Variants in SLC24A2 observed in about 807,000 individuals in gnomAD.
SLC24A2 encodes solute carrier family 24 member 2.
In SLC24A2, 36 loss-of-function variants were observed where a neutral mutation model predicts 62.0. That is an observed-to-expected ratio of 0.58 (90% CI 0.44 to 0.77). SLC24A2 has a LOEUF of 0.77. SLC24A2 is among the 30% of genes least tolerant of loss of function. The probability of loss-of-function intolerance (pLI) is 0.00; values close to 1 mark genes in which losing one functional copy is unlikely to be tolerated. For missense variants in SLC24A2, 846 were observed against 817.9 expected, an observed-to-expected ratio of 1.03 and a Z score of -0.42; for synonymous variants, 358 against 294.0, an observed-to-expected ratio of 1.22 and a Z score of -2.23.
At chr9:19,641,163 G>A (rs146363428) in intron 2 of SLC24A2, among the ~76,000 whole-genome samples, 94 of 152,316 alleles carry the variant, frequency 6.2e-4, no homozygotes, top group African/African-American at 2.2e-3. Flanking sequence ...GCATATCTAC[G>A]TGACATCTCA....
At chr9:19,886,174 A>T in the SLC24A2 span, among the ~76,000 whole-genome samples, 1 of 152,214 alleles carries the variant, frequency 6.6e-6, no homozygotes, top group Non-Finnish European at 1.5e-5. Flanking sequence ...AAGTCGCCAC[A>T]CTGCTTTTCA....
At chr9:19,974,546 T>C in the SLC24A2 span, among the ~76,000 whole-genome samples, 4 of 152,182 alleles carry the variant, frequency 2.6e-5, no homozygotes, top group African/African-American at 9.7e-5. Context: ...AGAACATTAA[T>C]TGATTTTTCC....
the SLC24A2 span, among the ~76,000 whole-genome samples, chr9:20,105,259 A>T: frequency 1.3e-5 from 2 of 152,222 alleles, no homozygotes; most frequent in Admixed American, 1.3e-4. Flanking sequence ...GGAGACTTTA[A>T]CACCCCATTG....
the SLC24A2 span, among the ~76,000 whole-genome samples, chr9:19,961,546 C>T: frequency 1.3e-5 from 2 of 152,202 alleles, no homozygotes. Context: ...CATGGCCCCA[C>T]ACTCCCTAAA....
chr9:19,925,859 T>A, the SLC24A2 span, among the ~76,000 whole-genome samples: 1 of 152,324 alleles, frequency 6.6e-6, no homozygotes, highest in Middle Eastern at 3.4e-3. Flanking sequence ...GACAGAGATT[T>A]TAATCGTGTG....
chr9:19,520,817 C>T, intron 10 of SLC24A2, 77 bp downstream of exon 10: 2 of 1,384,224 alleles, frequency 1.4e-6, no homozygotes, highest in Non-Finnish European at 2.1e-6. Context: ...AGATCCTGGT[C>T]ATGTCTTTCC....
chr9:19,739,298 G>A (rs1004210411), intron 2 of SLC24A2, among the ~76,000 whole-genome samples: 3 of 152,164 alleles, frequency 2.0e-5, no homozygotes, highest in Non-Finnish European at 4.4e-5. Flanking sequence ...ATAGTTGAAT[G>A]CAATTCTACT....
chr9:20,169,534 C>T, the SLC24A2 span, among the ~76,000 whole-genome samples: 1 of 152,004 alleles, frequency 6.6e-6, no homozygotes, highest in African/African-American at 2.4e-5. Flanking sequence ...CCAGTGTTAG[C>T]CTGAAGCCTG....
At chr9:19,781,043 G>C (rs1044830179) in intron 2 of SLC24A2, among the ~76,000 whole-genome samples, 2 of 152,210 alleles carry the variant, frequency 1.3e-5, no homozygotes, top group South Asian at 4.1e-4. Context: ...AAATGTTACA[G>C]TAATCATAGT....
chr9:20,262,833 G>C, the SLC24A2 span, among the ~76,000 whole-genome samples: 1 of 152,180 alleles, frequency 6.6e-6, no homozygotes, highest in Admixed American at 6.5e-5. Context: ...CTGCACTGAA[G>C]TTAGTACATT....
chr9:20,206,887 G>GT, the SLC24A2 span, among the ~76,000 whole-genome samples: 1 of 148,868 alleles, frequency 6.7e-6, no homozygotes, highest in Non-Finnish European at 1.5e-5. Flanking sequence ...AAGTTGGGGG[G>GT]GGCGGTTACG....
At chr9:19,565,625 A>G (rs1346904148) in intron 7 of SLC24A2, among the ~76,000 whole-genome samples, 1 of 152,228 alleles carries the variant, frequency 6.6e-6, no homozygotes, top group Non-Finnish European at 1.5e-5. Context: ...ACTAAAGTTC[A>G]TATGGAACCA....
chr9:19,760,109 A>G (rs1397097433), intron 2 of SLC24A2, among the ~76,000 whole-genome samples: 1 of 152,098 alleles, frequency 6.6e-6, no homozygotes, highest in Admixed American at 6.6e-5. Context: ...TTATTGAGAA[A>G]ATAGAAACAA....
At chr9:20,135,727 AT>A in the SLC24A2 span, among the ~76,000 whole-genome samples, 8 of 151,518 alleles carry the variant, frequency 5.3e-5, no homozygotes, top group Admixed American at 1.3e-4. Context: ...AGTTTTGCTT[AT>A]TTTTTTTTAA....
the SLC24A2 span, among the ~76,000 whole-genome samples, chr9:19,800,393 G>C: frequency 6.6e-6 from 1 of 152,126 alleles, no homozygotes; most frequent in African/African-American, 2.4e-5. Context: ...GATTTCTCTT[G>C]CCTTATCACT....
the SLC24A2 span, among the ~76,000 whole-genome samples, chr9:20,222,009 T>C: frequency 6.6e-6 from 1 of 152,134 alleles, no homozygotes; most frequent in African/African-American, 2.4e-5. Context: ...TATTTTGAAT[T>C]TTTGAAGATA....
At chr9:19,841,379 T>C in the SLC24A2 span, among the ~76,000 whole-genome samples, 8 of 152,164 alleles carry the variant, frequency 5.3e-5, no homozygotes, top group African/African-American at 1.7e-4. Context: ...GCAAGTCATC[T>C]GGATATCTGG....
chr9:19,912,345 C>A, the SLC24A2 span, among the ~76,000 whole-genome samples: 1 of 152,054 alleles, frequency 6.6e-6, no homozygotes, highest in Non-Finnish European at 1.5e-5. Flanking sequence ...ATTTGAATGT[C>A]CTGGAAAAAT....
At chr9:20,175,225 G>T in the SLC24A2 span, among the ~76,000 whole-genome samples, 4 of 151,834 alleles carry the variant, frequency 2.6e-5, no homozygotes, top group Admixed American at 2.6e-4. Context: ...GGATTTTGGG[G>T]ACTCAGGGGG....
Sources: gnomAD v4.1 joint callset for allele counts (sites outside exome capture counted in the v4.1 genomes callset) on GRCh38, gnomAD v4.1.1 for gene constraint, MANE v1.5 for transcripts, NCBI Gene and HGNC (gene_info 2026-07-23, HGNC 2026-07-21) for gene names.